Variants in PHKB observed in about 807,000 individuals in gnomAD.
PHKB encodes phosphorylase kinase regulatory subunit beta.
In PHKB, 122 loss-of-function variants were observed where a neutral mutation model predicts 152.1. That is an observed-to-expected ratio of 0.80 (90% CI 0.69 to 0.93). The LOEUF is 0.93. Among genes scored for constraint, PHKB ranks in the 40% least tolerant of loss-of-function variants. The pLI is 0.00. For synonymous variants in PHKB, 436 were observed against 464.9 expected (o/e 0.94, Z 0.80); for missense variants, 1,304 against 1,328.4 (o/e 0.98, Z 0.29).
intron 8 of PHKB, among the ~76,000 whole-genome samples, chr16:47,586,897 C>CT (rs571448843): frequency 8.1e-5 from 12 of 148,102 alleles, no homozygotes; most frequent in South Asian, 2.2e-4. Flanking sequence ...TTCATTCAAG[C>CT]TTTTTTTTTT....
At chr16:47,571,258 T>C (rs1376005076) in intron 7 of PHKB, among the ~76,000 whole-genome samples, 1 of 152,176 alleles carries the variant, frequency 6.6e-6, no homozygotes, top group Non-Finnish European at 1.5e-5. Flanking sequence ...CTTCAGCCTT[T>C]AGGCCAGTAG....
chr16:47,661,342 A>G (rs1021845040), intron 22 of PHKB, among the ~76,000 whole-genome samples: 1 of 152,200 alleles, frequency 6.6e-6, no homozygotes, highest in African/African-American at 2.4e-5. Context: ...ACCAATAAGA[A>G]GAATCAAGAA....
intron 6 of PHKB, among the ~76,000 whole-genome samples, chr16:47,519,550 A>G (rs1177730998): frequency 6.6e-6 from 1 of 152,200 alleles, no homozygotes; most frequent in Non-Finnish European, 1.5e-5. Flanking sequence ...TGTTATTAGC[A>G]AGAGACCTTT....
chr16:47,670,097 AATGAG>A (rs1294119611), intron 26 of PHKB, among the ~76,000 whole-genome samples: 1 of 152,218 alleles, frequency 6.6e-6, no homozygotes, highest in African/African-American at 2.4e-5. Flanking sequence ...ATGAAAATGA[AATGAG>A]ATATGTTTTA....
chr16:47,596,640 T>G, intron 13 of PHKB, 109 bp downstream of exon 13: 4 of 968,534 alleles, frequency 4.1e-6, no homozygotes, highest in Non-Finnish European at 4.9e-6. Flanking sequence ...TTTCATGGTC[T>G]TGAGAGGTCT....
intron 8 of PHKB, among the ~76,000 whole-genome samples, chr16:47,587,209 T>C (rs1971949156): frequency 6.6e-6 from 1 of 152,234 alleles, no homozygotes. Flanking sequence ...GAGATTCTCC[T>C]GTCTTCATAT....
chr16:47,524,610 A>G (rs1448015207), intron 6 of PHKB, among the ~76,000 whole-genome samples: 1 of 152,204 alleles, frequency 6.6e-6, no homozygotes, highest in African/African-American at 2.4e-5. Context: ...ATCTACTAAA[A>G]ATACAAAAAT....
intron 14 of PHKB, among the ~76,000 whole-genome samples, chr16:47,621,374 C>T (rs1220027237): frequency 6.6e-6 from 1 of 152,166 alleles, no homozygotes; most frequent in Non-Finnish European, 1.5e-5. Context: ...TTATATAGCA[C>T]TCCTACAATA....
intron 7 of PHKB, chr16:47,566,369 A>G: frequency 1.3e-6 from 2 of 1,483,220 alleles, no homozygotes. Context: ...TCCTGTCTTT[A>G]TCCTGTGCTT....
intron 4 of PHKB, among the ~76,000 whole-genome samples, chr16:47,509,161 G>C (rs1264954112): frequency 6.6e-6 from 1 of 152,092 alleles, no homozygotes; most frequent in Non-Finnish European, 1.5e-5. Flanking sequence ...TTTTATATAG[G>C]AGCTCAGAAT....
In PHKB at chr16:47,661,729, G is replaced by T. The variant is rs766015094; in HGVS notation, c.2207G>T (p.Cys736Phe). ...GATTTATATTTTCAGGATTGCAGTTGTCTGGCTAGCCAAGCCATCCTGCTG... is the reference window on the plus strand; with the variant it reads ...GATTTATATTTTCAGGATTGCAGTTTTCTGGCTAGCCAAGCCATCCTGCTG... ...EILQKLNDCS[C>F]LASQAILLGI... The change falls in exon 23 of 31, where the codon TGT (cysteine) becomes TTT (phenylalanine). Residue 736 changes from cysteine (C) to phenylalanine (F), a missense_variant. Transcript: ENST00000323584. The T allele has an allele frequency of 6.8e-6, 11 of 1,611,368 alleles. No homozygotes were observed. The highest frequency in any genetic ancestry group is 1.1e-5 in the South Asian group (1 of 91,050).
intron 8 of PHKB, among the ~76,000 whole-genome samples, chr16:47,580,649 G>A (rs1041454155): frequency 1.4e-5 from 2 of 146,098 alleles, no homozygotes; most frequent in African/African-American, 2.5e-5. Flanking sequence ...TACTCATTTT[G>A]TAGAAGGTTT....
intron 1 of PHKB, chr16:47,463,052 G>C (rs777323987): frequency 6.6e-6 from 1 of 152,564 alleles, no homozygotes; most frequent in Non-Finnish European, 1.5e-5. Flanking sequence ...AGTGTTATTG[G>C]ATTGGTTATG....
chr16:47,526,312 G>A (rs997826709), intron 6 of PHKB, among the ~76,000 whole-genome samples: 2 of 152,094 alleles, frequency 1.3e-5, no homozygotes, highest in Non-Finnish European at 2.9e-5. Flanking sequence ...GCGAGGCTGA[G>A]GCAGGGAGAA....
At chr16:47,628,299 G>A (rs577507054) in intron 14 of PHKB, among the ~76,000 whole-genome samples, 12 of 152,148 alleles carry the variant, frequency 7.9e-5, no homozygotes, top group East Asian at 1.9e-4. Flanking sequence ...TTGGGAGGCC[G>A]AGGCGGGTGG....
In PHKB at chr16:47,693,395, G is replaced by T. The variant is rs556303193; in HGVS notation, c.2783G>T (p.Arg928Leu). Residue 928 changes from arginine to leucine, a missense_variant, in exon 28 of 31, where the codon CGT (arginine) becomes CTT (leucine). Physicochemically the swap from Arg to Leu is moderately radical, Grantham distance 102. Coordinates refer to ENST00000323584, the MANE Select transcript of PHKB (RefSeq NM_000293.3). ...QQNGRCWLNR[R>L]QIDGSLNRTP... ...TGTTACAGATGTTGGCTGAACAGGC[G>T]TCAGATCGATGGGTCTTTGAATAGA... 6 of 1,613,888 alleles carry T rather than the reference G, an allele frequency of 3.7e-6. No individual in the cohort carries two copies. Among genetic ancestry groups the T allele is most frequent in the Non-Finnish European group, 4.2e-6 (5 of 1,179,962 alleles).
At chr16:47,530,543 A>G (rs1278696900) in intron 6 of PHKB, among the ~76,000 whole-genome samples, 3 of 152,206 alleles carry the variant, frequency 2.0e-5, no homozygotes, top group African/African-American at 4.8e-5. Flanking sequence ...GAAATGAAAA[A>G]GTTTGCATTT....
intron 5 of PHKB, among the ~76,000 whole-genome samples, chr16:47,513,941 A>G (rs1452410064): frequency 6.6e-6 from 1 of 152,244 alleles, no homozygotes; most frequent in Non-Finnish European, 1.5e-5. Context: ...TTATCACTAT[A>G]AATTTTAGAA....
chr16:47,618,442 T>C (rs1260129069), intron 14 of PHKB, among the ~76,000 whole-genome samples: 1 of 152,186 alleles, frequency 6.6e-6, no homozygotes, highest in Non-Finnish European at 1.5e-5. Context: ...TTGAGTGTCT[T>C]TTTCTCCTTC....
Sources: gnomAD v4.1 joint callset for allele counts (sites outside exome capture counted in the v4.1 genomes callset) on GRCh38, gnomAD v4.1.1 for gene constraint, MANE v1.5 for transcripts, NCBI Gene and HGNC (gene_info 2026-07-23, HGNC 2026-07-21) for gene names.